Variants in FGD6 observed in about 807,000 individuals in gnomAD.
FGD6 encodes the protein FYVE, RhoGEF and PH domain-containing protein 6.
FGD6 carries 90 observed loss-of-function variants against 149.4 expected under a neutral mutation model. The observed-to-expected ratio is 0.60, with a 90% CI of 0.51 to 0.72. The LOEUF is 0.72. FGD6 is among the 30% of genes least tolerant of loss of function. FGD6 has a pLI of 0.00. For synonymous variants in FGD6, 527 were observed against 584.0 expected, an observed-to-expected ratio of 0.90 and a Z score of 1.41; for missense variants, 1,437 against 1,684.8, an observed-to-expected ratio of 0.85 and a Z score of 2.57.
chr12:95,147,039 TG>T (rs2136267605), intron 5 of FGD6, among the ~76,000 whole-genome samples: 1 of 152,272 alleles, frequency 6.6e-6, no homozygotes, highest in Admixed American at 6.5e-5. Flanking sequence ...AGGGCATTAC[TG>T]AACTACTATC....
intron 2 of FGD6, among the ~76,000 whole-genome samples, chr12:95,208,311 G>A (rs549348761): frequency 6.6e-6 from 1 of 151,888 alleles, no homozygotes; most frequent in African/African-American, 2.4e-5. Flanking sequence ...GAGTAGTTAC[G>A]TGTTTCCTGC....
At chr12:95,156,862 G>A (rs1880488297) in intron 3 of FGD6, among the ~76,000 whole-genome samples, 1 of 151,860 alleles carries the variant, frequency 6.6e-6, no homozygotes, top group South Asian at 2.1e-4. Flanking sequence ...AAATATTGGG[G>A]GTGAATTCCG....
chr12:95,083,040 TACACACAC>T (rs60971253), intron 20 of FGD6, among the ~76,000 whole-genome samples: 2 of 74,770 alleles, frequency 2.7e-5, no homozygotes, highest in Admixed American at 1.9e-4. Context: ...TACACACACA[TACACACAC>T]ACACACACAC....
chr12:95,216,669 CAAAAAAAAAAAAA>C (rs143881424), intron 1 of FGD6, among the ~76,000 whole-genome samples: 1 of 88,758 alleles, frequency 1.1e-5, no homozygotes, highest in Non-Finnish European at 2.1e-5. Flanking sequence ...TGCAGACAAG[CAAAAAAAAAAAAA>C]AAAAAAAAAC....
At chr12:95,098,732 T>C (rs1878321425) in intron 14 of FGD6, among the ~76,000 whole-genome samples, 1 of 152,224 alleles carries the variant, frequency 6.6e-6, no homozygotes, top group Non-Finnish European at 1.5e-5. Context: ...TAAGGTCCTT[T>C]GCTTTACAGC....
intron 17 of FGD6, 50 bp from the exon 18 acceptor site, chr12:95,089,746 T>C (rs1376073183): frequency 1.3e-6 from 2 of 1,598,488 alleles, no homozygotes; most frequent in East Asian, 2.2e-5. Flanking sequence ...CATTTTGCAA[T>C]TCAATTTCAT....
chr12:95,112,055 G>A (rs1442456502), intron 9 of FGD6, among the ~76,000 whole-genome samples: 1 of 151,840 alleles, frequency 6.6e-6, no homozygotes, highest in Non-Finnish European at 1.5e-5. Context: ...GCAAGATAGT[G>A]AAACCCTGTC....
intron 8 of FGD6, among the ~76,000 whole-genome samples, chr12:95,120,206 G>A (rs1232684767): frequency 6.6e-6 from 1 of 151,954 alleles, no homozygotes; most frequent in South Asian, 2.1e-4. Context: ...TCCAGCCTGG[G>A]TGACAGAGTG....
rs754676111 is a variant in FGD6, at chr12:95,094,661, C to T, written c.3531G>A (p.Ala1177=). 3.1e-6 allele frequency: 5 copies of T among 1,613,442 alleles called. No individual in the cohort carries two copies. Among genetic ancestry groups the T allele is most frequent in the East Asian group, 2.2e-5 (1 of 44,862 alleles). The change falls in exon 15 of 21, where the codon GCG becomes GCA. Residue 1177 remains alanine (A), a synonymous_variant. Transcript: ENST00000343958. ...CATACTCTTCTATTGCCCTGGAAAT[C>T]GCTTCTAGCCATTCATCCCTTTCTG... ...SATERDEWLE[A]ISRAIEEYAK... is the part of the protein sequence containing the mutation.
chr12:95,201,433 A>AC (rs1263477610), intron 2 of FGD6, among the ~76,000 whole-genome samples: 57 of 151,896 alleles, frequency 3.8e-4, no homozygotes, highest in Admixed American at 3.6e-3. Context: ...TTTCTATCAC[A>AC]TTTTTCATAT....
intron 4 of FGD6, 26 bp from the exon 5 acceptor site, chr12:95,152,867 T>G (rs1880349614): frequency 1.9e-6 from 3 of 1,613,746 alleles, no homozygotes; most frequent in Non-Finnish European, 2.5e-6. Context: ...ATGAAAAAAA[T>G]GTTTTAAATG....
At chr12:95,139,064 A>G (rs1479640073) in intron 6 of FGD6, among the ~76,000 whole-genome samples, 1 of 152,244 alleles carries the variant, frequency 6.6e-6, no homozygotes, top group Non-Finnish European at 1.5e-5. Context: ...TTAAAAGCCA[A>G]TGGAAAAATG....
intron 2 of FGD6, among the ~76,000 whole-genome samples, chr12:95,188,531 T>C (rs1363602067): frequency 2.0e-5 from 3 of 152,106 alleles, no homozygotes; most frequent in Non-Finnish European, 4.4e-5. Flanking sequence ...AGTTTACTCC[T>C]AAACTTTCCA....
At chr12:95,198,203 T>C (rs1177955785) in intron 2 of FGD6, among the ~76,000 whole-genome samples, 1 of 152,200 alleles carries the variant, frequency 6.6e-6, no homozygotes, top group Non-Finnish European at 1.5e-5. Flanking sequence ...CATGTTCTGA[T>C]TAAATGTCAG....
chr12:95,092,677 G>C, intron 16 of FGD6, 22 bp downstream of exon 16: 1 of 1,612,736 alleles, frequency 6.2e-7, no homozygotes, highest in Non-Finnish European at 8.5e-7. Context: ...CCACAATGGA[G>C]ATGGGTGTTA....
chr12:95,121,265 C>T (rs1238057311), intron 8 of FGD6, among the ~76,000 whole-genome samples: 4 of 151,476 alleles, frequency 2.6e-5, no homozygotes, highest in African/African-American at 9.7e-5. Context: ...CATGGTGAAA[C>T]CCTGTCTCTA....
chr12:95,129,307 G>C (rs12819705), intron 8 of FGD6, among the ~76,000 whole-genome samples: 19,345 of 141,494 alleles, frequency 0.14, 1,490 homozygotes, highest in Non-Finnish European at 0.17. Context: ...ATGCATGCAT[G>C]CATGCATCCA....
At chr12:95,094,390 T>C (rs187465018) in intron 15 of FGD6, among the ~76,000 whole-genome samples, 3 of 152,284 alleles carry the variant, frequency 2.0e-5, no homozygotes, top group African/African-American at 7.2e-5. Flanking sequence ...ATATGCTATA[T>C]GCTATCACAG....
chr12:95,094,279 G>A (rs889190569), intron 15 of FGD6, among the ~76,000 whole-genome samples: 2 of 152,092 alleles, frequency 1.3e-5, no homozygotes, highest in African/African-American at 2.4e-5. Context: ...TTAAAAAGAC[G>A]CCTGTGGTAG....
Sources: gnomAD v4.1 joint callset for allele counts (sites outside exome capture counted in the v4.1 genomes callset) on GRCh38, gnomAD v4.1.1 for gene constraint, MANE v1.5 for transcripts, NCBI Gene and HGNC (gene_info 2026-07-23, HGNC 2026-07-21) for gene names.